GABRG3: variants seen among roughly 807,000 people sequenced by gnomAD.
GABRG3 encodes gamma-aminobutyric acid receptor subunit gamma-3.
In GABRG3, 25 loss-of-function variants were observed where a neutral mutation model predicts 48.8. The ratio of observed to expected loss-of-function variants is 0.51; its 90% CI spans 0.37 to 0.72. The LOEUF is 0.72. Among genes scored for constraint, GABRG3 ranks in the 30% least tolerant of loss-of-function variants. GABRG3 has a pLI of 0.00. For synonymous variants in GABRG3, 227 were observed against 217.6 expected, an observed-to-expected ratio of 1.04 and a Z score of -0.38; for missense variants, 394 against 577.9, an observed-to-expected ratio of 0.68 and a Z score of 3.26.
rs1486257053 is a variant in GABRG3 at position 27,457,218 on chromosome 15, G to T, written c.575-23432G>T. 6.6e-6 allele frequency among the ~76,000 whole-genome samples: 1 copy of T among 152,174 alleles called. No individual in the cohort carries two copies. The highest frequency in any genetic ancestry group is 1.5e-5 in the Non-Finnish European group (1 of 68,026). On this transcript the variant is annotated intron_variant, in intron 5 of 9. Coordinates refer to ENST00000615808, the MANE Select transcript of GABRG3 (RefSeq NM_033223.5). The surrounding 1 kb of genome is among the most constrained non-coding windows in gnomAD (Gnocchi z 4.4). Reference sequence around the variant, plus strand: ...CTGCAAGGCTGCAAGAACTGCCCACGCTCCGACAGATGTACAGTGCAGGGC... The same window carrying T: ...CTGCAAGGCTGCAAGAACTGCCCACTCTCCGACAGATGTACAGTGCAGGGC...
intron 6 of GABRG3, among the ~76,000 whole-genome samples, chr15:27,508,194 C>T (rs4778149): frequency 0.46 from 70,118 of 151,642 alleles, 16,578 homozygotes; most frequent in Non-Finnish European, 0.54. Context: ...TACGATCTCG[C>T]TCTCATTTGT....
At chr15:27,414,479 TGCTGCTTATTTTAAACAAATAAAA>T (rs967508715) in intron 5 of GABRG3, among the ~76,000 whole-genome samples, 1 of 152,178 alleles carries the variant, frequency 6.6e-6, no homozygotes, top group Non-Finnish European at 1.5e-5. Context: ...GGGAAGGTCC[TGCTGCTTATTTTAAACAAATAAAA>T]GCTGCTTATT....
At chr15:27,435,847 C>T (rs1299151547) in intron 5 of GABRG3, among the ~76,000 whole-genome samples, 1 of 152,184 alleles carries the variant, frequency 6.6e-6, no homozygotes, top group African/African-American at 2.4e-5. Flanking sequence ...GACCCCTCCC[C>T]TGTATCAGGT....
At chr15:27,060,318 C>T (rs937691659) in intron 3 of GABRG3, among the ~76,000 whole-genome samples, 1 of 152,240 alleles carries the variant, frequency 6.6e-6, no homozygotes, top group Non-Finnish European at 1.5e-5. Flanking sequence ...TCCTTGGCCA[C>T]ACTGGCCCCT....
rs570826561 is a variant in GABRG3 at position 27,286,168 on chromosome 15, T to G, written c.271-40641T>G. On this transcript the variant is annotated intron_variant, in intron 3 of 9. Coordinates refer to ENST00000615808, the MANE Select transcript of GABRG3 (RefSeq NM_033223.5). The stretch of plus-strand genomic sequence containing the variant: ...ATCAAGCATTTTCTGAATTCTTCCA[T>G]GGAAATGAACTGATATGTACGGATA... 3.3e-5 allele frequency among the ~76,000 whole-genome samples: 5 copies of G among 152,334 alleles called. No individual in the cohort carries two copies. The South Asian group carries it at 1.0e-3, about 32-fold the overall frequency.
At chr15:27,527,376 TG>T in intron 7 of GABRG3, 56 bp from the exon 8 acceptor site, 1 of 1,539,078 alleles carries the variant, frequency 6.5e-7, no homozygotes, top group Non-Finnish European at 8.9e-7. Flanking sequence ...GGTGACCGTC[TG>T]GGATTCCTGT....
At chr15:27,475,094 C>T (rs1223554900) in intron 5 of GABRG3, among the ~76,000 whole-genome samples, 1 of 152,064 alleles carries the variant, frequency 6.6e-6, no homozygotes, top group Admixed American at 6.6e-5. Context: ...CGCGCCAGTG[C>T]ACTCCAACCT....
At chr15:27,003,376 G>A (rs1333004347) in intron 2 of GABRG3, among the ~76,000 whole-genome samples, 3 of 151,654 alleles carry the variant, frequency 2.0e-5, no homozygotes, top group Non-Finnish European at 4.4e-5. Flanking sequence ...GCGGCCTTCC[G>A]CAGTGTTTGT....
At chr15:27,439,064 T>G (rs949534500) in intron 5 of GABRG3, among the ~76,000 whole-genome samples, 4 of 152,092 alleles carry the variant, frequency 2.6e-5, no homozygotes, top group Non-Finnish European at 2.9e-5. Context: ...AGCCACCTTG[T>G]TTTTGCTGTT....
At chr15:27,401,981 C>T (rs921919994) in intron 5 of GABRG3, among the ~76,000 whole-genome samples, 2 of 152,148 alleles carry the variant, frequency 1.3e-5, no homozygotes, top group Non-Finnish European at 2.9e-5. Context: ...AGAATTTTGA[C>T]ACTGTCAGGG....
rs10549691 is a variant in GABRG3 at position 27,436,995 on chromosome 15, T to TAGAGAGAGAGAGAGAGAG, written c.575-43634_575-43617dup. ...TGGGTGAGACTCCTTCTCCGAAAAA[T>TAGAGAGAGAGAGAGAGAG]AGAGAGAGAGAGAGAGAGAGAGAGA... On this transcript the variant is annotated intron_variant, in intron 5 of 9. Transcript: ENST00000615808. Among the ~76,000 whole-genome samples, 61 of 130,590 alleles carry TAGAGAGAGAGAGAGAGAG rather than the reference T, an allele frequency of 4.7e-4. 2 individuals carry two copies. The highest frequency in any genetic ancestry group is 1.5e-3 in the East Asian group (6 of 4,088). The allele number at this position is 130,590 out of a possible 152,430, so 85.7% of individuals were successfully genotyped here.
intron 3 of GABRG3, among the ~76,000 whole-genome samples, chr15:27,186,062 T>C (rs1360486338): frequency 1.3e-5 from 2 of 151,026 alleles, no homozygotes; most frequent in Non-Finnish European, 2.9e-5. Context: ...GGGATACATA[T>C]GCAGGTTGGT....
intron 3 of GABRG3, among the ~76,000 whole-genome samples, chr15:27,280,032 A>G (rs1363532968): frequency 1.3e-5 from 2 of 152,068 alleles, no homozygotes; most frequent in Admixed American, 6.6e-5. Flanking sequence ...TTTGTTATTT[A>G]TATTGCATTC....
At chr15:27,037,299 G>A (rs1450600514) in intron 3 of GABRG3, among the ~76,000 whole-genome samples, 1 of 152,182 alleles carries the variant, frequency 6.6e-6, no homozygotes, top group Non-Finnish European at 1.5e-5. Context: ...CATTTCGCAG[G>A]TCCTGTCCAT....
intron 3 of GABRG3, among the ~76,000 whole-genome samples, chr15:27,089,954 G>A (rs1370872842): frequency 6.6e-6 from 1 of 152,138 alleles, no homozygotes; most frequent in Non-Finnish European, 1.5e-5. Context: ...TCTGTTGATG[G>A]GCATTTTAGT....
chr15:27,491,919 A>G (rs1209603272), intron 6 of GABRG3, among the ~76,000 whole-genome samples: 2 of 152,172 alleles, frequency 1.3e-5, no homozygotes, highest in African/African-American at 2.4e-5. Context: ...CATATGCCCA[A>G]TGCTACTGTT....
intron 6 of GABRG3, among the ~76,000 whole-genome samples, chr15:27,508,426 C>T (rs1028368854): frequency 6.6e-6 from 1 of 152,114 alleles, no homozygotes; most frequent in Non-Finnish European, 1.5e-5. Flanking sequence ...TTTCTTCCAT[C>T]TCTTGTATAA....
intron 5 of GABRG3, among the ~76,000 whole-genome samples, chr15:27,394,501 G>C (rs1392192316): frequency 6.6e-6 from 1 of 151,456 alleles, no homozygotes; most frequent in African/African-American, 2.4e-5. Flanking sequence ...AAGTACATTG[G>C]CATTGTCTTT....
chr15:27,426,372 A>G (rs1357586008), intron 5 of GABRG3, among the ~76,000 whole-genome samples: 1 of 152,226 alleles, frequency 6.6e-6, no homozygotes, highest in Non-Finnish European at 1.5e-5. Flanking sequence ...AACACTTCCA[A>G]AGACGTAACT....
Sources: gnomAD v4.1 joint callset for allele counts (sites outside exome capture counted in the v4.1 genomes callset) on GRCh38, gnomAD v4.1.1 for gene constraint, Gnocchi (gnomAD v3.1) non-coding constraint, MANE v1.5 for transcripts, NCBI Gene and HGNC (gene_info 2026-07-23, HGNC 2026-07-21) for gene names.